The following SPATA2 variants were observed in gnomAD, a reference collection of about 807,000 sequenced individuals.
SPATA2 encodes spermatogenesis associated 2.
In SPATA2, 8 loss-of-function variants were observed where a neutral mutation model predicts 35.4. The observed-to-expected ratio is 0.23, with a 90% CI of 0.13 to 0.41. The LOEUF (loss-of-function observed/expected upper bound fraction) is 0.41, where lower values mean the gene tolerates loss of function less well. Ranked by LOEUF, SPATA2 falls within the 10% of genes least tolerant of loss-of-function variation. SPATA2 has a pLI of 1.00. For synonymous variants in SPATA2, 293 were observed against 300.9 expected (o/e 0.97, Z 0.27); for missense variants, 650 against 698.7 (o/e 0.93, Z 0.79).
chr20:49,909,968 C>T (rs1273113772), intron 1 of SPATA2, among the ~76,000 whole-genome samples: 3 of 152,238 alleles, frequency 2.0e-5, no homozygotes, highest in Non-Finnish European at 2.9e-5. Context: ...GCCCCTTTAT[C>T]ACCAGAGCGC....
rs2090158701 is a variant in SPATA2 at position 49,908,035 on chromosome 20, C to T, written c.336+120G>A. On this transcript the variant is annotated intron_variant, in intron 2 of 2. Coordinates refer to ENST00000289431, the MANE Select transcript of SPATA2 (RefSeq NM_006038.4). ...CTGGAGAGACGGGGAAGGTTCGGAG[C>T]CCGGAAGGATCTGAGAGCACAGGAT... 1.7e-5 allele frequency: 17 copies of T among 1,030,182 alleles called. No homozygotes were observed. The South Asian group carries it at 2.8e-4, about 17-fold the overall frequency. 63.8% of individuals were successfully genotyped at this position (1,030,182 alleles called of 1,614,324 possible). A position where few individuals can be genotyped will look rare whatever the true frequency, so the allele number is the denominator to read the frequency against.
At chr20:49,908,654 C>T (rs555464883) in intron 1 of SPATA2, 62 bp from the exon 2 acceptor site, 65 of 628,082 alleles carry the variant, frequency 1.0e-4, no homozygotes, top group Non-Finnish European at 1.5e-4. Flanking sequence ...GGCTTCAGGT[C>T]GCTGAGGCAA....
At chr20:49,914,030 GAAA>G (rs76188301) in intron 1 of SPATA2, among the ~76,000 whole-genome samples, 80,525 of 142,600 alleles carry the variant, frequency 0.56, 23,207 homozygotes, top group East Asian at 0.86. Context: ...CAGTCTGGTG[GAAA>G]AAAAAAAAAA....
Position 49,905,875 on chromosome 20 carries a change from T to C in SPATA2, c.1307A>G (p.Gln436Arg). The C allele has an allele frequency of 1.2e-6, 2 of 1,613,442 alleles. No individual in the cohort carries two copies. The highest frequency in any genetic ancestry group is 1.7e-6 in the Non-Finnish European group (2 of 1,180,004). Residue 436 changes from glutamine to arginine, a missense_variant, in exon 3 of 3, where the codon CAG (glutamine) becomes CGG (arginine). Coordinates refer to ENST00000289431, the MANE Select transcript of SPATA2 (RefSeq NM_006038.4). ...GASLREKYPG[Q>R]TQGLDRLPHL... Reference sequence around the variant, plus strand: ...CGGGAGGCGGTCGAGGCCCTGAGTCTGGCCTGGGTACTTCTCCCGCAGAGA... The same window carrying C: ...CGGGAGGCGGTCGAGGCCCTGAGTCCGGCCTGGGTACTTCTCCCGCAGAGA...
intron 1 of SPATA2, among the ~76,000 whole-genome samples, chr20:49,915,161 G>A (rs2146839360): frequency 6.6e-6 from 1 of 152,274 alleles, no homozygotes; most frequent in East Asian, 1.9e-4. Flanking sequence ...AGCCACCCTC[G>A]GCGGGTCCCA....
chr20:49,911,599 G>A (rs534013906), intron 1 of SPATA2, among the ~76,000 whole-genome samples: 5 of 151,684 alleles, frequency 3.3e-5, no homozygotes, highest in Admixed American at 6.6e-5. Flanking sequence ...CCCAGGAGGC[G>A]GAGGCTGCAG....
chr20:49,911,254 A>C (rs936719042), intron 1 of SPATA2, among the ~76,000 whole-genome samples: 1 of 151,638 alleles, frequency 6.6e-6, no homozygotes, highest in African/African-American at 2.4e-5. Flanking sequence ...TCCACCCCTC[A>C]CCCTCCCTGG....
At position 49,906,608 on chromosome 20, in the gene SPATA2, C is replaced by T. The variant is rs1266299253; in HGVS notation, c.574G>A (p.Asp192Asn). ...CTGCTCTTGCGCTCGCTCACAATGTCCAGCTCGGAGTAGCCCTTGTCCTTC... is the reference window on the plus strand; with the variant it reads ...CTGCTCTTGCGCTCGCTCACAATGTTCAGCTCGGAGTAGCCCTTGTCCTTC... ...QVKDKGYSEL[D>N]IVSERKSSAE... The change falls in exon 3 of 3, where the codon GAC becomes AAC. Residue 192 changes from aspartate (D) to asparagine (N), a missense_variant. Coordinates refer to ENST00000289431, the MANE Select transcript of SPATA2 (RefSeq NM_006038.4). This position sits in a 1 kb window ranked among gnomAD's most constrained non-coding sequence, Gnocchi z 8.2. 1.2e-6 allele frequency: 2 copies of T among 1,614,248 alleles called. No individual in the cohort carries two copies. Among genetic ancestry groups the T allele is most frequent in the Admixed American group, 3.3e-5 (2 of 60,024 alleles).
intron 1 of SPATA2, among the ~76,000 whole-genome samples, chr20:49,908,871 C>T (rs1433088022): frequency 6.6e-6 from 1 of 152,100 alleles, no homozygotes; most frequent in Admixed American, 6.5e-5. Flanking sequence ...TGGGGAAGGG[C>T]GAGTTTAGGA....
Position 49,906,268 on chromosome 20 carries a change from G to A in SPATA2, c.914C>T (p.Pro305Leu), listed in dbSNP as rs752675900. The change falls in exon 3 of 3, where the codon CCC becomes CTC. Residue 305 changes from proline (P) to leucine (L), a missense_variant. By Grantham distance (98) the Pro-to-Leu change is moderately conservative. Coordinates refer to ENST00000289431, the MANE Select transcript of SPATA2 (RefSeq NM_006038.4). This position sits in a 1 kb window ranked among gnomAD's most constrained non-coding sequence, Gnocchi z 8.2. The stretch of plus-strand genomic sequence containing the variant: ...TGGAAGCACATCCGGGCTGCCGTGG[G>A]GGGAGCTGGCCATGGTCAGCAGCGA... ...SPSLLTMASS[P>L]HGSPDVLPPA... The A allele has an allele frequency of 7.0e-6, 11 of 1,572,074 alleles. No individual in the cohort carries two copies. Among genetic ancestry groups the A allele is most frequent in the Non-Finnish European group, 7.8e-6 (9 of 1,157,504 alleles).
Position 49,908,565 on chromosome 20 carries a change from A to G in SPATA2, c.-75T>C, listed in dbSNP as rs995678537. 27 of 1,262,714 alleles carry G rather than the reference A, an allele frequency of 2.1e-5. No individual in the cohort carries two copies. The highest frequency in any genetic ancestry group is 1.1e-4 in the Admixed American group (5 of 44,598). The allele number at this position is 1,262,714 out of a possible 1,614,324, so 78.2% of individuals were successfully genotyped here. A position where few individuals can be genotyped will look rare whatever the true frequency, so the allele number is the denominator to read the frequency against. ...CAGGGACATCACTAAAAGCATGGAC[A>G]TGTTGCCGCCTGGACCAGCGGAGTG... On this transcript the variant is annotated 5_prime_UTR_variant, in exon 2 of 3. An upstream start codon of the reference 5' UTR is lost. Transcript: ENST00000289431.
rs367660038 is a variant in SPATA2, at chr20:49,908,110, G to A, written c.336+45C>T. 10 of 1,537,636 alleles carry A rather than the reference G, an allele frequency of 6.5e-6. No individual in the cohort carries two copies. In the African/African-American group the frequency reaches 8.2e-5, roughly 13 times the overall value. ...TCTCAGGAGGGACTGCCAGGGGCAG[G>A]AAGAGAGAAGGAGGGCCTGTATGGA... On this transcript the variant is annotated intron_variant, in intron 2 of 2. Coordinates refer to ENST00000289431, the MANE Select transcript of SPATA2 (RefSeq NM_006038.4).
In SPATA2 at chr20:49,905,748, G is replaced by A; in HGVS notation, c.1434C>T (p.Val478=). The change falls in exon 3 of 3, where the codon GTC becomes GTT. Residue 478 remains valine (V), a synonymous_variant. Coordinates refer to ENST00000289431, the MANE Select transcript of SPATA2 (RefSeq NM_006038.4). ...AAGCGCTGAGGCAGGCGTCACATGA[G>A]ACTTTTGAACACTGGGTGCAGGTGT... ...ATNTCTQCSK[V]SCDACLSAYH... The A allele has an allele frequency of 1.2e-6, 2 of 1,614,288 alleles. No homozygotes were observed. The highest frequency in any genetic ancestry group is 1.6e-4 in the Middle Eastern group (1 of 6,062).
chr20:49,914,480 G>A (rs1309442789), intron 1 of SPATA2, among the ~76,000 whole-genome samples: 1 of 152,078 alleles, frequency 6.6e-6, no homozygotes. Context: ...AGACGGGGAA[G>A]TCAGTTCAAC....
At chr20:49,909,040 T>A (rs1235410037) in intron 1 of SPATA2, among the ~76,000 whole-genome samples, 2 of 152,102 alleles carry the variant, frequency 1.3e-5, no homozygotes, top group African/African-American at 2.4e-5. Flanking sequence ...ACTTTTTTTT[T>A]GAGATGGATC....
rs1376450239 is a variant in SPATA2 at position 49,903,914 on chromosome 20, T to G, written c.*1705A>C. 7.8e-3 allele frequency: 240 copies of G among 30,812 alleles called. 6 individuals carry two copies. The highest frequency in any genetic ancestry group is 0.017 in the African/African-American group (187 of 10,816). The allele number at this position is 30,812 out of a possible 1,614,324, so 1.9% of individuals were successfully genotyped here. On this transcript the variant is annotated 3_prime_UTR_variant, in exon 3 of 3. Coordinates refer to ENST00000289431, the MANE Select transcript of SPATA2 (RefSeq NM_006038.4). ...GATCTACCAGATAGATATATATATA[T>G]ATATATATATATATATATATATATA...
intron 1 of SPATA2, among the ~76,000 whole-genome samples, chr20:49,910,900 G>A (rs2090178979): frequency 6.6e-6 from 1 of 152,222 alleles, no homozygotes. Flanking sequence ...AAATAAGGCT[G>A]AGGAGTACAG....
Position 49,906,804 on chromosome 20 carries a change from T to C in SPATA2, c.378A>G (p.Leu126=). ...GGATGGCTCGGATGTCCTCTTCCAG[T>C]AATGTCGACTTGACATAATAAACAA... The part of the protein sequence containing the change: ...GPFVYYVKST[L]LEEDIRAILS... Residue 126 remains leucine (L), a synonymous_variant, in exon 3 of 3, where the codon TTA becomes TTG. Transcript: ENST00000289431. This position sits in a 1 kb window ranked among gnomAD's most constrained non-coding sequence, Gnocchi z 8.2. The C allele has an allele frequency of 1.2e-6, 2 of 1,612,972 alleles. No homozygotes were observed. The highest frequency in any genetic ancestry group is 1.3e-5 in the African/African-American group (1 of 75,012).
rs997467618 is a variant in SPATA2, at chr20:49,905,445, A to G, written c.*174T>C. The G allele has an allele frequency of 3.1e-6, 2 of 637,402 alleles. No homozygotes were observed. Among genetic ancestry groups the G allele is most frequent in the African/African-American group, 1.8e-5 (1 of 54,522 alleles). The allele number at this position is 637,402 out of a possible 1,614,324, so 39.5% of individuals were successfully genotyped here. ...GACAACAAAGCAGCCATTGGTTGAG[A>G]TATCTGAGTCGCTAAGTGAACTCCC... On this transcript the variant is annotated 3_prime_UTR_variant, in exon 3 of 3. Transcript: ENST00000289431.
Sources: allele counts gnomAD v4.1 joint callset (sites outside exome capture counted in the v4.1 genomes callset), GRCh38; gene constraint gnomAD v4.1.1; non-coding constraint Gnocchi (gnomAD v3.1); transcripts MANE v1.5; gene names NCBI Gene and HGNC (gene_info 2026-07-23, HGNC 2026-07-21).